Variants in GAS6 observed in about 807,000 individuals in gnomAD.
GAS6 encodes growth arrest-specific protein 6.
Under a neutral mutation model 75.8 loss-of-function variants are expected in GAS6, and 41 were observed. The observed-to-expected ratio is 0.54, with a 90% confidence interval of 0.42 to 0.70. The LOEUF is 0.70. Ranked by LOEUF, GAS6 falls within the 30% of genes least tolerant of loss-of-function variation. The probability of loss-of-function intolerance (pLI) is 0.00; values close to 1 mark genes in which losing one functional copy is unlikely to be tolerated. For synonymous variants in GAS6, 432 were observed against 412.6 expected, an observed-to-expected ratio of 1.05 and a Z score of -0.57; for missense variants, 854 against 940.2, an observed-to-expected ratio of 0.91 and a Z score of 1.20.
At chr13:113,846,820 G>A (rs2138655288) in intron 3 of GAS6, 1 of 565,980 alleles carries the variant, frequency 1.8e-6, no homozygotes, top group Non-Finnish European at 3.2e-6. Flanking sequence ...CCACAGTCAA[G>A]TGCGTAAAGC....
Position 113,833,261 on chromosome 13 carries a change from C to T in GAS6, c.835-509G>A. 4.8e-6 allele frequency: 5 copies of T among 1,046,232 alleles called. No homozygotes were observed. In the South Asian group the frequency reaches 1.7e-4, roughly 36 times the overall value. 64.8% of individuals were successfully genotyped at this position (1,046,232 alleles called of 1,614,324 possible). ...GCCTGCCCTGCCCACCGTGGGCAGCCAGGGTGAGCTGGACATCTCGCAGGG... is the reference window on the plus strand; with the variant it reads ...GCCTGCCCTGCCCACCGTGGGCAGCTAGGGTGAGCTGGACATCTCGCAGGG... On this transcript the variant is annotated intron_variant, in intron 8 of 14. Transcript: ENST00000327773.
intron 6 of GAS6, chr13:113,835,937 A>G: frequency 2.5e-6 from 3 of 1,178,026 alleles, no homozygotes; most frequent in Middle Eastern, 3.4e-4. Flanking sequence ...GTGCTGTTCC[A>G]TTTAAATGAC....
intron 4 of GAS6, chr13:113,840,253 C>T (rs536657081): frequency 4.7e-6 from 1 of 211,950 alleles, no homozygotes; most frequent in Non-Finnish European, 9.3e-6. Context: ...CTGGCCAGCC[C>T]CTAGCCCATC....
intron 7 of GAS6, among the ~76,000 whole-genome samples, chr13:113,835,307 A>C (rs1004626596): frequency 6.6e-6 from 1 of 152,212 alleles, no homozygotes; most frequent in Non-Finnish European, 1.5e-5. Flanking sequence ...GTTCATGTGC[A>C]CAAGGGGCAT....
rs2051487571 is a variant in GAS6 at position 113,823,441 on chromosome 13, G to A, written c.1587C>T (p.Asp529=). The change falls in exon 13 of 15, where the codon GAC becomes GAT. Residue 529 remains aspartate, a synonymous_variant. Coordinates refer to ENST00000327773, the MANE Select transcript of GAS6 (RefSeq NM_000820.4). The stretch of plus-strand genomic sequence containing the variant: ...CCACAGAGAGAGGCACGGCACGGAG[G>A]TCGGGGGCCCAGAGCGCAAACAGCA... ...TGVLFALWAP[D]LRAVPLSVAL... The A allele has an allele frequency of 1.2e-6, 2 of 1,612,704 alleles. No individual in the cohort carries two copies. Among genetic ancestry groups the A allele is most frequent in the African/African-American group, 1.3e-5 (1 of 74,940 alleles).
chr13:113,825,234 CAA>C lies in GAS6; in HGVS notation c.1478-1686_1478-1685del, dbSNP rs71105207. Reference sequence around the variant, plus strand: ...GGGCAACAAAGGCGAAACTCCGTCTCAAAAAAAAAAAAAAAAAAAAAAAAGGA... The same window carrying C: ...GGGCAACAAAGGCGAAACTCCGTCTCAAAAAAAAAAAAAAAAAAAAAAGGA... On this transcript the variant is annotated intron_variant, in intron 12 of 14. Transcript: ENST00000327773. Among the ~76,000 whole-genome samples the C allele has an allele frequency of 0.01, 587 of 58,340 alleles. 18 individuals carry two copies. The South Asian group carries it at 0.15, about 15-fold the overall frequency. 38.3% of individuals were successfully genotyped at this position (58,340 alleles called of 152,430 possible).
Position 113,844,848 on chromosome 13 carries a change from GATCCCCACC to G in GAS6, c.343+1670_343+1678del, listed in dbSNP as rs1566369285. On this transcript the variant is annotated intron_variant, in intron 4 of 14. Transcript: ENST00000327773. This position sits in a 1 kb window ranked among gnomAD's most constrained non-coding sequence, Gnocchi z 5.7. Reference sequence around the variant, plus strand: ...GGGCAGGAACTGAGCCTGCAGTCTAGATCCCCACCTCATCCATCACGTCAAAAGAAATTA... The same window carrying G: ...GGGCAGGAACTGAGCCTGCAGTCTAGTCATCCATCACGTCAAAAGAAATTA... The G allele has an allele frequency of 6.6e-6, 1 of 150,578 alleles. No homozygotes were observed. Among genetic ancestry groups the G allele is most frequent in the Non-Finnish European group, 1.5e-5 (1 of 68,010 alleles). 9.3% of individuals were successfully genotyped at this position (150,578 alleles called of 1,614,324 possible). A position where few individuals can be genotyped will look rare whatever the true frequency, so the allele number is the denominator to read the frequency against.
At chr13:113,862,211 C>G (rs1033593162) in intron 2 of GAS6, among the ~76,000 whole-genome samples, 1 of 152,154 alleles carries the variant, frequency 6.6e-6, no homozygotes, top group African/African-American at 2.4e-5. Context: ...TGGAGGACAG[C>G]GAGGAGGGGC....
chr13:113,831,162 C>G (rs750168164), intron 10 of GAS6, among the ~76,000 whole-genome samples: 1 of 152,210 alleles, frequency 6.6e-6, no homozygotes, highest in East Asian at 1.9e-4. Flanking sequence ...GGGGTGGGCA[C>G]GTTTTACCGC....
At chr13:113,822,292 G>C in intron 13 of GAS6, 106 bp from the exon 14 acceptor site, 1 of 850,878 alleles carries the variant, frequency 1.2e-6, no homozygotes, top group Non-Finnish European at 1.7e-6. Flanking sequence ...CCGCACGCCT[G>C]TCTCCGTCCA....
In GAS6 at chr13:113,863,759, G is replaced by A. The variant is rs1433582379; in HGVS notation, c.89-18C>T. 1.0e-5 allele frequency: 15 copies of A among 1,473,930 alleles called. No individual in the cohort carries two copies. The African/African-American group carries it at 1.2e-4, about 12-fold the overall frequency. The allele number at this position is 1,473,930 out of a possible 1,614,324, so 91.3% of individuals were successfully genotyped here. A position where few individuals can be genotyped will look rare whatever the true frequency, so the allele number is the denominator to read the frequency against. ...CAGCGCGGCTGCCCGGAGGGAGAGA[G>A]GGGGACGCGTCAAGCCGCGCCCGGA... On this transcript the variant is annotated intron_variant, in intron 1 of 14. Transcript: ENST00000327773. This position sits in a 1 kb window ranked among gnomAD's most constrained non-coding sequence, Gnocchi z 9.4.
At position 113,837,857 on chromosome 13, in the gene GAS6, CCCTCAGATG is replaced by C. The variant is rs1211332499; in HGVS notation, c.589+203_589+211del. ...GCTGGGCCGGCCCCCTGAGTCCTGG[CCCTCAGATG>C]CCGGGTGAGTCATCCTGGTGTGGTG... On this transcript the variant is annotated intron_variant, in intron 6 of 14. Transcript: ENST00000327773. This position sits in a 1 kb window ranked among gnomAD's most constrained non-coding sequence, Gnocchi z 5.1. Among the ~76,000 whole-genome samples the C allele has an allele frequency of 1.3e-5, 2 of 152,172 alleles. No homozygotes were observed. Among genetic ancestry groups the C allele is most frequent in the Non-Finnish European group, 2.9e-5 (2 of 68,016 alleles).
chr13:113,822,014 G>A lies in GAS6; in HGVS notation c.1826C>T (p.Ala609Val). ...GCTCCGCAGGTGCCTCTCGAGCACG[G>A]CCAGCCTCTCCTGCAGCTGCGCGGC... ...VSAAQLQERL[A>V]VLERHLRSPV... Residue 609 changes from alanine to valine, a missense_variant, in exon 14 of 15, where the codon GCC becomes GTC. By Grantham distance (64) the Ala-to-Val change is moderately conservative. Coordinates refer to ENST00000327773, the MANE Select transcript of GAS6 (RefSeq NM_000820.4). 1.3e-6 allele frequency: 2 copies of A among 1,561,406 alleles called. No individual in the cohort carries two copies. Among genetic ancestry groups the A allele is most frequent in the Non-Finnish European group, 1.7e-6 (2 of 1,155,256 alleles).
intron 2 of GAS6, among the ~76,000 whole-genome samples, chr13:113,856,331 G>A (rs2051913982): frequency 1.3e-5 from 2 of 152,224 alleles, no homozygotes; most frequent in Non-Finnish European, 2.9e-5. Context: ...GAGCACAGGA[G>A]TTAATGACAG....
chr13:113,828,633 C>A lies in GAS6; in HGVS notation c.1222G>T (p.Asp408Tyr). Residue 408 changes from aspartate to tyrosine, a missense_variant, in exon 11 of 15, where the codon GAC becomes TAC. Asp to Tyr is a radical substitution (Grantham distance 160). Coordinates refer to ENST00000327773, the MANE Select transcript of GAS6 (RefSeq NM_000820.4). ...AGTCCTCGCTCCGGTTGGAACAAGT[C>A]CCCGGCCACCGCGATTTTCATGACA... ...DAVMKIAVAG[D>Y]LFQPERGLYH... 1 of 1,613,574 alleles carries A rather than the reference C, an allele frequency of 6.2e-7. No homozygotes were observed.
At chr13:113,858,907 ATG>A (rs1184915223) in intron 2 of GAS6, among the ~76,000 whole-genome samples, 1 of 148,160 alleles carries the variant, frequency 6.7e-6, no homozygotes, top group Non-Finnish European at 1.5e-5. Flanking sequence ...GTGTGCATGT[ATG>A]TGTACATGTC....
At chr13:113,831,835 G>A (rs1440673611) in intron 10 of GAS6, among the ~76,000 whole-genome samples, 2 of 3,968 alleles carry the variant, frequency 5.0e-4, no homozygotes, top group Admixed American at 3.2e-3. Flanking sequence ...CCCGTCCCCC[G>A]GAGCATGAAC....
intron 13 of GAS6, 48 bp from the exon 14 acceptor site, chr13:113,822,234 G>A: frequency 7.1e-7 from 1 of 1,407,214 alleles, no homozygotes; most frequent in South Asian, 1.4e-5. Context: ...ACCCCTACGT[G>A]AGCTGTTAGG....
At chr13:113,854,347 T>C (rs2051897518) in intron 2 of GAS6, among the ~76,000 whole-genome samples, 1 of 152,224 alleles carries the variant, frequency 6.6e-6, no homozygotes, top group African/African-American at 2.4e-5. Context: ...ATGGGCTTCA[T>C]GGCAAACGAG....
Sources: allele counts gnomAD v4.1 joint callset (sites outside exome capture counted in the v4.1 genomes callset), GRCh38; gene constraint gnomAD v4.1.1; non-coding constraint Gnocchi (gnomAD v3.1); transcripts MANE v1.5; gene names NCBI Gene and HGNC (gene_info 2026-07-23, HGNC 2026-07-21).